The following NECAB1 variants were observed in gnomAD, a reference collection of about 807,000 sequenced individuals.
The protein encoded by NECAB1 is N-terminal EF-hand calcium binding protein 1, also known as N-terminal EF-hand calcium-binding protein 1.
NECAB1 carries 29 observed loss-of-function variants against 57.5 expected under a neutral mutation model. The observed-to-expected ratio is 0.50, with a 90% CI of 0.38 to 0.69. The LOEUF (loss-of-function observed/expected upper bound fraction) is 0.69, where lower values mean the gene tolerates loss of function less well. Among genes scored for constraint, NECAB1 ranks in the 30% least tolerant of loss-of-function variants. NECAB1 has a pLI of 0.00. For synonymous variants in NECAB1, 142 were observed against 147.7 expected (o/e 0.96, Z 0.28); for missense variants, 372 against 413.8 (o/e 0.90, Z 0.88).
chr8:90,859,800 G>A (rs1812863105), intron 3 of NECAB1, among the ~76,000 whole-genome samples: 1 of 151,964 alleles, frequency 6.6e-6, no homozygotes. Context: ...TTTTTCTAAT[G>A]TAATAAATAT....
chr8:90,915,519 G>A (rs978075291), intron 5 of NECAB1, among the ~76,000 whole-genome samples: 6 of 152,120 alleles, frequency 3.9e-5, no homozygotes, highest in Non-Finnish European at 7.4e-5. Flanking sequence ...GGAGTTTAAA[G>A]ACATTGCAAT....
chr8:90,830,698 A>C (rs1812287232), intron 3 of NECAB1, among the ~76,000 whole-genome samples: 1 of 152,142 alleles, frequency 6.6e-6, no homozygotes, highest in African/African-American at 2.4e-5. Context: ...CCAGGCTTTA[A>C]GTAGCTTTCT....
chr8:90,917,870 A>ATGTGTG (rs1554575442), intron 6 of NECAB1, among the ~76,000 whole-genome samples: 1,076 of 63,508 alleles, frequency 0.017, 26 homozygotes, highest in East Asian at 0.076. Flanking sequence ...ATATATATAT[A>ATGTGTG]TGTGTGTGTG....
At chr8:90,915,706 G>A (rs1189913192) in intron 5 of NECAB1, among the ~76,000 whole-genome samples, 2 of 152,182 alleles carry the variant, frequency 1.3e-5, no homozygotes, top group Admixed American at 1.3e-4. Flanking sequence ...TGAGGAGCAA[G>A]GAAGCCAGTG....
At chr8:90,888,705 T>C (rs1437162078) in intron 5 of NECAB1, among the ~76,000 whole-genome samples, 1 of 152,226 alleles carries the variant, frequency 6.6e-6, no homozygotes, top group Non-Finnish European at 1.5e-5. Flanking sequence ...TCCAAAAGAA[T>C]GTACTTTCAA....
intron 6 of NECAB1, among the ~76,000 whole-genome samples, chr8:90,920,778 C>G (rs1810088828): frequency 6.6e-6 from 1 of 152,110 alleles, no homozygotes; most frequent in Non-Finnish European, 1.5e-5. Flanking sequence ...TTGTTTATCT[C>G]CCCCATTAGA....
intron 5 of NECAB1, among the ~76,000 whole-genome samples, chr8:90,916,802 G>T (rs1348906696): frequency 6.6e-6 from 1 of 152,090 alleles, no homozygotes. Context: ...TATTCAGTCT[G>T]CAGTGACCTC....
intron 1 of NECAB1, among the ~76,000 whole-genome samples, chr8:90,798,224 G>C (rs149853657): frequency 6.6e-6 from 1 of 152,166 alleles, no homozygotes; most frequent in African/African-American, 2.4e-5. Context: ...ATTGGACTTA[G>C]GGACCACCCA....
At position 90,959,183 on chromosome 8, in the gene NECAB1, T is replaced by A; in HGVS notation, c.*3671T>A. On this transcript the variant is annotated 3_prime_UTR_variant, in exon 13 of 13. Coordinates refer to ENST00000417640, the MANE Select transcript of NECAB1 (RefSeq NM_022351.5). ...TATTAAAGTAACTAGAACTGTCAAA[T>A]AACAAAACGGCTCATGTTTTTAAAA... 1 of 413,306 alleles carries A rather than the reference T, an allele frequency of 2.4e-6. No homozygotes were observed. Among genetic ancestry groups the A allele is most frequent in the Admixed American group, 4.6e-5 (1 of 21,940 alleles). 25.6% of individuals were successfully genotyped at this position (413,306 alleles called of 1,614,324 possible).
chr8:90,883,497 A>T (rs1270772102), intron 5 of NECAB1, among the ~76,000 whole-genome samples: 1 of 152,180 alleles, frequency 6.6e-6, no homozygotes, highest in African/African-American at 2.4e-5. Context: ...TTTTATGAAA[A>T]ATGAAATACA....
chr8:90,860,238 CTT>C (rs34293565), intron 3 of NECAB1, among the ~76,000 whole-genome samples: 55 of 136,780 alleles, frequency 4.0e-4, no homozygotes, highest in Non-Finnish European at 4.3e-4. Context: ...TCTTTTTTTT[CTT>C]TTTTTTTTTT....
chr8:90,879,062 TTATATATAATATATATTATATATATTA>T (rs1304829632), intron 4 of NECAB1, among the ~76,000 whole-genome samples: 4 of 140,312 alleles, frequency 2.9e-5, no homozygotes, highest in Non-Finnish European at 4.5e-5. Flanking sequence ...AATATATATC[TTATATATAATATATATTATATATATTA>T]TATATATAAT....
At chr8:90,921,740 A>G (rs1810119581) in intron 6 of NECAB1, among the ~76,000 whole-genome samples, 1 of 152,170 alleles carries the variant, frequency 6.6e-6, no homozygotes, top group Non-Finnish European at 1.5e-5. Flanking sequence ...GGATTGTGAT[A>G]ATTTGCTTTC....
At chr8:90,908,278 T>A (rs933800451) in intron 5 of NECAB1, among the ~76,000 whole-genome samples, 1 of 152,086 alleles carries the variant, frequency 6.6e-6, no homozygotes, top group Non-Finnish European at 1.5e-5. Context: ...GTGTGAGCAA[T>A]AAGGTGGAAA....
rs2130288354 is a variant in NECAB1 at position 90,956,405 on chromosome 8, G to A, written c.*893G>A. The A allele has an allele frequency of 6.6e-6, 1 of 151,824 alleles. No individual in the cohort carries two copies. The highest frequency in any genetic ancestry group is 3.4e-3 in the Middle Eastern group (1 of 292). 9.4% of individuals were successfully genotyped at this position (151,824 alleles called of 1,614,324 possible). A position where few individuals can be genotyped will look rare whatever the true frequency, so the allele number is the denominator to read the frequency against. Reference sequence around the variant, plus strand: ...TGAATAACTAAGAAATATAAAACAAGCACAAAATCTTAGGGAAGTCATAAA... The same window carrying A: ...TGAATAACTAAGAAATATAAAACAAACACAAAATCTTAGGGAAGTCATAAA... On this transcript the variant is annotated 3_prime_UTR_variant, in exon 13 of 13. Transcript: ENST00000417640.
At chr8:90,858,961 A>G (rs957684809) in intron 3 of NECAB1, 1 of 142,300 alleles carries the variant, frequency 7.0e-6, no homozygotes, top group Non-Finnish European at 1.5e-5. Flanking sequence ...ATGCCAGTCA[A>G]TTGGGCTTTT....
intron 9 of NECAB1, among the ~76,000 whole-genome samples, chr8:90,935,236 C>T (rs1399694696): frequency 6.6e-6 from 1 of 152,158 alleles, no homozygotes; most frequent in African/African-American, 2.4e-5. Flanking sequence ...AGTTGAGACC[C>T]ACCTATGTGT....
intron 3 of NECAB1, among the ~76,000 whole-genome samples, chr8:90,866,220 T>G (rs1252373003): frequency 6.6e-6 from 1 of 152,196 alleles, no homozygotes; most frequent in African/African-American, 2.4e-5. Context: ...ATTGAGAGAT[T>G]ATAATATTAC....
At chr8:90,877,016 A>G (rs1808740095) in intron 4 of NECAB1, among the ~76,000 whole-genome samples, 1 of 152,246 alleles carries the variant, frequency 6.6e-6, no homozygotes, top group Admixed American at 6.5e-5. Context: ...TAATGCCATG[A>G]CTTAAGGACA....
Sources: allele counts gnomAD v4.1 joint callset (sites outside exome capture counted in the v4.1 genomes callset), GRCh38; gene constraint gnomAD v4.1.1; transcripts MANE v1.5; gene names NCBI Gene and HGNC (gene_info 2026-07-23, HGNC 2026-07-21).